The following PRKCB variants were observed in gnomAD, a reference collection of about 807,000 sequenced individuals.
PRKCB encodes protein kinase C beta type.
Under a neutral mutation model 81.5 loss-of-function variants are expected in PRKCB, and 13 were observed. The ratio of observed to expected loss-of-function variants is 0.16; its 90% CI spans 0.10 to 0.25. The LOEUF (loss-of-function observed/expected upper bound fraction) is 0.25, where lower values mean the gene tolerates loss of function less well. PRKCB is among the 10% of genes least tolerant of loss of function. The probability of loss-of-function intolerance (pLI) is 1.00; values close to 1 mark genes in which losing one functional copy is unlikely to be tolerated. For missense variants in PRKCB, 509 were observed against 875.7 expected (o/e 0.58, Z 5.29); for synonymous variants, 335 against 321.4 (o/e 1.04, Z -0.45).
chr16:24,166,395 T>C (rs1451983234), intron 10 of PRKCB, among the ~76,000 whole-genome samples: 1 of 152,232 alleles, frequency 6.6e-6, no homozygotes, highest in African/African-American at 2.4e-5. Flanking sequence ...GTGGATGGTC[T>C]TAGGCAGTGC....
chr16:24,191,043 T>C (rs1967784239), intron 15 of PRKCB, 47 bp from the exon 16 acceptor site: 1 of 1,591,270 alleles, frequency 6.3e-7, no homozygotes, highest in South Asian at 1.1e-5. Flanking sequence ...GTCTTACATT[T>C]CCTCTTCTGA....
At chr16:23,982,036 TCACCTTC>T (rs1964730638) in intron 2 of PRKCB, among the ~76,000 whole-genome samples, 2 of 106,660 alleles carry the variant, frequency 1.9e-5, no homozygotes, top group Admixed American at 9.3e-5. Flanking sequence ...CCCTTTCCCT[TCACCTTC>T]CCCTTCCCTT....
chr16:24,094,853 A>AAGG (rs771070281), intron 7 of PRKCB, among the ~76,000 whole-genome samples: 10,366 of 138,498 alleles, frequency 0.075, 349 homozygotes, highest in Non-Finnish European at 0.11. Context: ...GGAAGGAAGG[A>AAGG]AAGGAAGAAA....
chr16:23,868,166 C>T (rs1245326459), intron 2 of PRKCB, among the ~76,000 whole-genome samples: 1 of 152,114 alleles, frequency 6.6e-6, no homozygotes, highest in East Asian at 1.9e-4. Flanking sequence ...CAGAAATGGC[C>T]CCTGCACTTT....
chr16:24,099,746 G>A (rs1484918185), intron 7 of PRKCB: 1 of 152,182 alleles, frequency 6.6e-6, no homozygotes, highest in Non-Finnish European at 1.5e-5. Flanking sequence ...ACCGAGGCAG[G>A]TGGATCATTT....
intron 2 of PRKCB, among the ~76,000 whole-genome samples, chr16:23,864,345 C>A (rs941258150): frequency 2.0e-5 from 3 of 152,118 alleles, no homozygotes; most frequent in Admixed American, 1.3e-4. Flanking sequence ...CAATCCCAGT[C>A]TTTTGGGAAG....
intron 16 of PRKCB, among the ~76,000 whole-genome samples, chr16:24,205,743 A>G (rs1968037050): frequency 6.6e-6 from 1 of 152,222 alleles, no homozygotes; most frequent in Non-Finnish European, 1.5e-5. Flanking sequence ...GCAGTGGTGA[A>G]TAAAACAGAT....
At chr16:24,151,832 A>C (rs922728984) in intron 9 of PRKCB, 1 of 455,984 alleles carries the variant, frequency 2.2e-6, no homozygotes. Flanking sequence ...CCTGAGCCTC[A>C]GTGTGTTTAT....
Position 24,122,468 on chromosome 16 carries a change from T to TTTTTTTTTTTTC in PRKCB, c.919-1367_919-1366insTTTTTTTTTTTC, listed in dbSNP as rs1555498212. ...ACGAGGCTTTTTTTTTTTTTTTTTT[T>TTTTTTTTTTTTC]AGTGAGAGAGAGATGGGATCTCACT... On this transcript the variant is annotated intron_variant, in intron 8 of 16. Coordinates refer to ENST00000643927, the MANE Select transcript of PRKCB (RefSeq NM_002738.7). Among the ~76,000 whole-genome samples the TTTTTTTTTTTTC allele has an allele frequency of 7.9e-5, 11 of 138,992 alleles. 1 individual carries two copies. Among genetic ancestry groups the TTTTTTTTTTTTC allele is most frequent in the African/African-American group, 3.6e-4 (11 of 30,348 alleles). 91.2% of individuals were successfully genotyped at this position (138,992 alleles called of 152,430 possible).
intron 2 of PRKCB, among the ~76,000 whole-genome samples, chr16:23,899,948 A>G (rs1963444069): frequency 6.6e-6 from 1 of 152,024 alleles, no homozygotes; most frequent in African/African-American, 2.4e-5. Flanking sequence ...CAGCCTCCCA[A>G]AGTGCAGGGA....
At chr16:23,994,720 C>T (rs1271243321) in intron 3 of PRKCB, among the ~76,000 whole-genome samples, 2 of 152,218 alleles carry the variant, frequency 1.3e-5, no homozygotes, top group African/African-American at 4.8e-5. Context: ...ATTAATTCAT[C>T]CTCTGGTAGC....
intron 2 of PRKCB, among the ~76,000 whole-genome samples, chr16:23,883,406 C>A (rs1963153159): frequency 6.6e-6 from 1 of 152,096 alleles, no homozygotes; most frequent in Admixed American, 6.6e-5. Context: ...ATCCTTGTTG[C>A]TGGGGCGTGG....
chr16:24,217,810 T>C lies in PRKCB; in HGVS notation c.*2994T>C. On this transcript the variant is annotated 3_prime_UTR_variant, in exon 17 of 17. Coordinates refer to ENST00000643927, the MANE Select transcript of PRKCB (RefSeq NM_002738.7). ...TGTGTCTTCTAGCTCCAAATATACC[T>C]GCCTTTTAGCTCACACACTGTCCTG... The C allele has an allele frequency of 1.0e-6, 1 of 985,442 alleles. No individual in the cohort carries two copies. Among genetic ancestry groups the C allele is most frequent in the Non-Finnish European group, 1.2e-6 (1 of 829,954 alleles). 61.0% of individuals were successfully genotyped at this position (985,442 alleles called of 1,614,324 possible).
chr16:23,911,127 G>GTTTTTTTTTTTTTTTTTTTTTT (rs1567310884), intron 2 of PRKCB, among the ~76,000 whole-genome samples: 1 of 11,788 alleles, frequency 8.5e-5, no homozygotes, highest in African/African-American at 3.2e-4. Flanking sequence ...ACGTATATAT[G>GTTTTTTTTTTTTTTTTTTTTTT]CTTTTTTTTT....
At chr16:23,880,027 A>G (rs928706608) in intron 2 of PRKCB, among the ~76,000 whole-genome samples, 1 of 152,162 alleles carries the variant, frequency 6.6e-6, no homozygotes, top group African/African-American at 2.4e-5. Flanking sequence ...GTGTTTAGGA[A>G]AGTTCCTGGT....
chr16:23,858,542 GTTT>G (rs10591707), intron 2 of PRKCB, among the ~76,000 whole-genome samples: 10 of 150,788 alleles, frequency 6.6e-5, no homozygotes, highest in African/African-American at 9.8e-5. Flanking sequence ...CCATCAAACT[GTTT>G]TTTTTTTTTC....
intron 2 of PRKCB, among the ~76,000 whole-genome samples, chr16:23,919,935 T>A (rs1963800714): frequency 6.6e-6 from 1 of 152,250 alleles, no homozygotes; most frequent in Non-Finnish European, 1.5e-5. Flanking sequence ...ATCTTTTGGC[T>A]ATTGTGAATA....
At chr16:24,131,856 C>T (rs1425500716) in intron 9 of PRKCB, among the ~76,000 whole-genome samples, 2 of 152,170 alleles carry the variant, frequency 1.3e-5, no homozygotes, top group Non-Finnish European at 2.9e-5. Context: ...TACACTTACA[C>T]AATGTAAGAT....
chr16:24,032,228 C>T lies in PRKCB; in HGVS notation c.381C>T (p.His127=). Residue 127 remains histidine, a synonymous_variant, in exon 4 of 17, where the codon CAC becomes CAT. Coordinates refer to ENST00000643927, the MANE Select transcript of PRKCB (RefSeq NM_002738.7). The stretch of plus-strand genomic sequence containing the variant: ...GGTCACTGCTGTATGGACTCATCCA[C>T]CAGGGGATGAAATGTGACAGTAAGT... ...HCGSLLYGLI[H]QGMKCDTCMM... is the part of the protein sequence containing the mutation. 3 of 1,609,408 alleles carry T rather than the reference C, an allele frequency of 1.9e-6. No homozygotes were observed. Among genetic ancestry groups the T allele is most frequent in the Non-Finnish European group, 2.6e-6 (3 of 1,176,066 alleles).
Sources: allele counts gnomAD v4.1 joint callset (sites outside exome capture counted in the v4.1 genomes callset), GRCh38; gene constraint gnomAD v4.1.1; transcripts MANE v1.5; gene names NCBI Gene and HGNC (gene_info 2026-07-23, HGNC 2026-07-21).